Variants in ULK4 observed in about 807,000 individuals in gnomAD.
ULK4 encodes the protein inactive serine/threonine-protein kinase ULK4.
In ULK4, 133 loss-of-function variants were observed where a neutral mutation model predicts 160.6. The ratio of observed to expected loss-of-function variants is 0.83; its 90% CI spans 0.72 to 0.96. The LOEUF is 0.96. ULK4 is among the 40% of genes least tolerant of loss of function. ULK4 has a pLI of 0.00. For synonymous variants in ULK4, 534 were observed against 539.8 expected (o/e 0.99, Z 0.15); for missense variants, 1,580 against 1,499.5 (o/e 1.05, Z -0.89).
At chr3:41,522,013 T>C (rs1006188510) in intron 32 of ULK4, among the ~76,000 whole-genome samples, 3 of 152,242 alleles carry the variant, frequency 2.0e-5, no homozygotes, top group African/African-American at 7.2e-5. Flanking sequence ...GCACAATTCA[T>C]TGTATGCTAT....
At chr3:41,283,388 G>GAACC (rs1322174649) in intron 35 of ULK4, among the ~76,000 whole-genome samples, 6 of 152,176 alleles carry the variant, frequency 3.9e-5, no homozygotes, top group Non-Finnish European at 8.8e-5. Context: ...AAAAGACTTA[G>GAACC]AACCAACCCA....
At chr3:41,584,346 C>A (rs895981966) in intron 31 of ULK4, among the ~76,000 whole-genome samples, 1 of 152,076 alleles carries the variant, frequency 6.6e-6, no homozygotes, top group Non-Finnish European at 1.5e-5. Flanking sequence ...AGCTGGAGTG[C>A]GGTGGTGTGC....
chr3:41,321,111 G>A (rs2080237214), intron 35 of ULK4, among the ~76,000 whole-genome samples: 1 of 151,806 alleles, frequency 6.6e-6, no homozygotes, highest in South Asian at 2.1e-4. Flanking sequence ...TTGCACCCCG[G>A]GAAGGTGCTT....
At chr3:41,846,899 C>T (rs1283624724) in intron 17 of ULK4, among the ~76,000 whole-genome samples, 1 of 151,456 alleles carries the variant, frequency 6.6e-6, no homozygotes, top group African/African-American at 2.4e-5. Context: ...TTTTTGAAAA[C>T]CATACATGAA....
At chr3:41,853,976 G>A (rs1383730650) in intron 17 of ULK4, 1 of 152,096 alleles carries the variant, frequency 6.6e-6, no homozygotes. Flanking sequence ...TGTATACTTA[G>A]CCAACTCATT....
At chr3:41,704,434 G>A (rs935961416) in intron 27 of ULK4, among the ~76,000 whole-genome samples, 2 of 152,168 alleles carry the variant, frequency 1.3e-5, no homozygotes, top group African/African-American at 4.8e-5. Context: ...TGCACCATAA[G>A]CTAATTGTCT....
At chr3:41,789,920 C>T in intron 20 of ULK4, 77 bp from the exon 21 acceptor site, 1 of 1,319,446 alleles carries the variant, frequency 7.6e-7, no homozygotes, top group Non-Finnish European at 1.0e-6. Flanking sequence ...ACACATGCTT[C>T]TGTGTCAAGG....
intron 32 of ULK4, among the ~76,000 whole-genome samples, chr3:41,497,759 G>T (rs1013936410): frequency 3.3e-5 from 5 of 152,300 alleles, no homozygotes; most frequent in Admixed American, 3.3e-4. Context: ...ATACATGCCT[G>T]TAGTCTCACC....
At position 41,513,022 on chromosome 3, in the gene ULK4, G is replaced by A. The variant is rs183937228; in HGVS notation, c.3227-49769C>T. On this transcript the variant is annotated intron_variant, in intron 32 of 36. Coordinates refer to ENST00000301831, the MANE Select transcript of ULK4 (RefSeq NM_017886.4). Reference sequence around the variant, plus strand: ...AATCAGCTAACTGATTTTGGACAGGGCAAACAAAAAAACAGAAAGTGGGGA... The same window carrying A: ...AATCAGCTAACTGATTTTGGACAGGACAAACAAAAAAACAGAAAGTGGGGA... 1.4e-4 allele frequency among the ~76,000 whole-genome samples: 22 copies of A among 151,984 alleles called. No homozygotes were observed. The East Asian group carries it at 3.3e-3, about 23-fold the overall frequency.
At chr3:41,846,806 C>CAAAA (rs35308076) in intron 17 of ULK4, among the ~76,000 whole-genome samples, 13,730 of 98,350 alleles carry the variant, frequency 0.14, 829 homozygotes, top group Middle Eastern at 0.26. Context: ...CTCTCTCTCT[C>CAAAA]AAAAAAAAAA....
intron 32 of ULK4, among the ~76,000 whole-genome samples, chr3:41,470,578 C>CT (rs1364049884): frequency 6.6e-6 from 1 of 152,070 alleles, no homozygotes; most frequent in Non-Finnish European, 1.5e-5. Flanking sequence ...CCTTAGAACT[C>CT]TAATTGCGGC....
chr3:41,497,404 A>AATATAC (rs1256812182), intron 32 of ULK4, among the ~76,000 whole-genome samples: 1 of 152,094 alleles, frequency 6.6e-6, no homozygotes, highest in East Asian at 1.9e-4. Context: ...TAATGTATAT[A>AATATAC]ATATACATAT....
intron 7 of ULK4, among the ~76,000 whole-genome samples, chr3:41,917,537 T>G (rs1384345476): frequency 2.0e-5 from 3 of 152,166 alleles, no homozygotes; most frequent in Non-Finnish European, 4.4e-5. Flanking sequence ...TAAGATAAAC[T>G]TTAACAATGT....
chr3:41,382,110 G>A (rs556581481), intron 35 of ULK4, among the ~76,000 whole-genome samples: 4 of 152,240 alleles, frequency 2.6e-5, no homozygotes, highest in Admixed American at 2.6e-4. Context: ...CAAATAGCCT[G>A]TTGTCTTTCC....
At chr3:41,458,512 G>A (rs769920751) in intron 33 of ULK4, among the ~76,000 whole-genome samples, 4 of 151,818 alleles carry the variant, frequency 2.6e-5, no homozygotes, top group Non-Finnish European at 4.4e-5. Context: ...CGAGGCGGGT[G>A]GCCTGTCAAT....
At chr3:41,459,781 C>A (rs557497331) in intron 33 of ULK4, among the ~76,000 whole-genome samples, 1 of 152,238 alleles carries the variant, frequency 6.6e-6, no homozygotes, top group African/African-American at 2.4e-5. Context: ...CATCCACTTA[C>A]AAGATGGCAG....
chr3:41,847,459 T>C (rs567380443), intron 17 of ULK4, among the ~76,000 whole-genome samples: 64 of 152,342 alleles, frequency 4.2e-4, no homozygotes, highest in Admixed American at 1.2e-3. Flanking sequence ...AGTGTTTTAC[T>C]AGACCAAAGG....
intron 31 of ULK4, among the ~76,000 whole-genome samples, chr3:41,597,940 C>T (rs1313048737): frequency 1.3e-5 from 2 of 152,178 alleles, no homozygotes; most frequent in South Asian, 2.1e-4. Context: ...ATCCTCTTAA[C>T]ACGCATTTCC....
At chr3:41,252,353 T>C (rs893383989) in intron 35 of ULK4, among the ~76,000 whole-genome samples, 1 of 152,202 alleles carries the variant, frequency 6.6e-6, no homozygotes, top group Non-Finnish European at 1.5e-5. Context: ...TTCAAAGTGC[T>C]ATTATAAAAA....
Sources: gnomAD v4.1 joint callset for allele counts (sites outside exome capture counted in the v4.1 genomes callset) on GRCh38, gnomAD v4.1.1 for gene constraint, MANE v1.5 for transcripts, NCBI Gene and HGNC (gene_info 2026-07-23, HGNC 2026-07-21) for gene names.